BRINP1: variants seen among roughly 807,000 people sequenced by gnomAD.
BRINP1 encodes the protein BMP/retinoic acid-inducible neural-specific protein 1.
In BRINP1, 17 loss-of-function variants were observed where a neutral mutation model predicts 72.9. The observed-to-expected ratio is 0.23, with a 90% CI of 0.16 to 0.35. The LOEUF (loss-of-function observed/expected upper bound fraction) is 0.35, where lower values mean the gene tolerates loss of function less well. BRINP1 is among the 10% of genes least tolerant of loss of function. BRINP1 has a pLI of 1.00. For missense variants in BRINP1, 850 were observed against 1,001.6 expected (o/e 0.85, Z 2.04); for synonymous variants, 418 against 378.5 (o/e 1.10, Z -1.21).
intron 2 of BRINP1, among the ~76,000 whole-genome samples, chr9:119,287,614 C>T (rs1021417084): frequency 9.2e-5 from 14 of 152,150 alleles, no homozygotes; most frequent in African/African-American, 2.4e-5. Context: ...ATTTCAAAGG[C>T]TTTCAGGTTC....
chr9:119,342,234 C>T (rs761520551), intron 1 of BRINP1, among the ~76,000 whole-genome samples: 1 of 152,032 alleles, frequency 6.6e-6, no homozygotes, highest in Non-Finnish European at 1.5e-5. Context: ...GTAAATAATA[C>T]TTTTTTCAGT....
chr9:119,175,241 A>G (rs1255766994), intron 7 of BRINP1, among the ~76,000 whole-genome samples: 1 of 152,114 alleles, frequency 6.6e-6, no homozygotes, highest in Non-Finnish European at 1.5e-5. Context: ...GCTGGAAACC[A>G]TCACACTCAG....
chr9:119,251,664 A>C (rs1830389511), intron 2 of BRINP1, among the ~76,000 whole-genome samples: 1 of 66,588 alleles, frequency 1.5e-5, no homozygotes, highest in Non-Finnish European at 3.9e-5. Flanking sequence ...GCAGGGATAC[A>C]GAAAACATTG....
At chr9:119,265,350 G>A (rs1221133) in intron 2 of BRINP1, among the ~76,000 whole-genome samples, 135,935 of 152,094 alleles carry the variant, frequency 0.89, 61,168 homozygotes, top group East Asian at 0.99. Flanking sequence ...CTGTAATCCT[G>A]GCACTTTGGG....
chr9:119,311,924 T>G (rs1831073080), intron 2 of BRINP1, among the ~76,000 whole-genome samples: 1 of 152,154 alleles, frequency 6.6e-6, no homozygotes, highest in Non-Finnish European at 1.5e-5. Flanking sequence ...CACTCCTTAC[T>G]GGATGGATGA....
At chr9:119,329,203 A>G (rs140359067) in intron 1 of BRINP1, among the ~76,000 whole-genome samples, 1,553 of 152,210 alleles carry the variant, frequency 0.01, 27 homozygotes, top group African/African-American at 0.036. Flanking sequence ...TAGATAAAAC[A>G]CTTAAGTTTT....
At chr9:119,347,818 AT>A (rs1372894879) in intron 1 of BRINP1, among the ~76,000 whole-genome samples, 2 of 152,018 alleles carry the variant, frequency 1.3e-5, no homozygotes, top group African/African-American at 2.4e-5. Context: ...TTTTTAAGAC[AT>A]TTTTAAGGAC....
At chr9:119,233,644 G>A (rs974868341) in intron 5 of BRINP1, among the ~76,000 whole-genome samples, 2 of 152,200 alleles carry the variant, frequency 1.3e-5, no homozygotes. Flanking sequence ...AAATAGATAC[G>A]TATTGTATAC....
chr9:119,213,903 G>A lies in BRINP1; in HGVS notation c.922+16C>T, dbSNP rs762119863. ...TCAAGGCCACTCATGCAGTGGCACTGAGTGAGACTCTCTACCTGAATTCTC... is the reference window on the plus strand; with the variant it reads ...TCAAGGCCACTCATGCAGTGGCACTAAGTGAGACTCTCTACCTGAATTCTC... On this transcript the variant is annotated intron_variant, in intron 6 of 7. Transcript: ENST00000265922. The A allele has an allele frequency of 2.5e-6, 4 of 1,607,488 alleles. No homozygotes were observed. Among genetic ancestry groups the A allele is most frequent in the Middle Eastern group, 1.7e-4 (1 of 6,052 alleles).
At chr9:119,337,876 C>T (rs1280093889) in intron 1 of BRINP1, among the ~76,000 whole-genome samples, 1 of 152,160 alleles carries the variant, frequency 6.6e-6, no homozygotes, top group East Asian at 1.9e-4. Context: ...AAAGATATAC[C>T]ATATTTCCAT....
chr9:119,226,028 A>T (rs1490122771), intron 5 of BRINP1, among the ~76,000 whole-genome samples: 2 of 152,042 alleles, frequency 1.3e-5, no homozygotes, highest in African/African-American at 4.8e-5. Flanking sequence ...GAAAAAGCAT[A>T]TGGTTTCTCC....
chr9:119,364,544 C>A (rs1831671001), intron 1 of BRINP1, among the ~76,000 whole-genome samples: 1 of 152,218 alleles, frequency 6.6e-6, no homozygotes, highest in Admixed American at 6.5e-5. Context: ...CTATTCCTAG[C>A]ACCTATTGAA....
chr9:119,279,681 A>G (rs1213450313), intron 2 of BRINP1, among the ~76,000 whole-genome samples: 1 of 152,234 alleles, frequency 6.6e-6, no homozygotes, highest in Non-Finnish European at 1.5e-5. Context: ...TAATGAACTG[A>G]TGAAAATAAA....
intron 7 of BRINP1, among the ~76,000 whole-genome samples, chr9:119,173,341 GACAA>G (rs1169369447): frequency 2.7e-5 from 4 of 145,492 alleles, no homozygotes; most frequent in African/African-American, 5.1e-5. Context: ...ACCAACAACA[GACAA>G]ACAGAGAGCC....
intron 1 of BRINP1, among the ~76,000 whole-genome samples, chr9:119,326,463 T>G (rs1308878810): frequency 6.6e-6 from 1 of 152,236 alleles, no homozygotes; most frequent in Admixed American, 6.5e-5. Context: ...ATAATTATTT[T>G]TGTAATTTTT....
At chr9:119,301,151 G>A (rs1830934199) in intron 2 of BRINP1, among the ~76,000 whole-genome samples, 1 of 152,152 alleles carries the variant, frequency 6.6e-6, no homozygotes. Flanking sequence ...CATTTTCAAA[G>A]CTGGCTTATC....
intron 7 of BRINP1, among the ~76,000 whole-genome samples, chr9:119,189,493 T>C (rs978340477): frequency 1.4e-4 from 21 of 152,054 alleles, no homozygotes; most frequent in Non-Finnish European, 2.9e-4. Flanking sequence ...TTGCAAATAG[T>C]AGTCAAAAGA....
chr9:119,179,857 C>T (rs549293362), intron 7 of BRINP1, among the ~76,000 whole-genome samples: 5 of 152,260 alleles, frequency 3.3e-5, no homozygotes, highest in African/African-American at 9.6e-5. Flanking sequence ...ACCTCAGCTG[C>T]CCCCCTGCAG....
At chr9:119,307,733 C>T (rs371821903) in intron 2 of BRINP1, among the ~76,000 whole-genome samples, 3 of 152,296 alleles carry the variant, frequency 2.0e-5, no homozygotes, top group African/African-American at 7.2e-5. Context: ...TGAGTCTGCT[C>T]ACCAGAATTT....
Sources: gnomAD v4.1 joint callset for allele counts (sites outside exome capture counted in the v4.1 genomes callset) on GRCh38, gnomAD v4.1.1 for gene constraint, MANE v1.5 for transcripts, NCBI Gene and HGNC (gene_info 2026-07-23, HGNC 2026-07-21) for gene names.